ABHD6: variants seen among roughly 807,000 people sequenced by gnomAD.
ABHD6 encodes the protein abhydrolase domain containing 6, acylglycerol lipase.
Under a neutral mutation model 38.8 loss-of-function variants are expected in ABHD6, and 33 were observed. That is an observed-to-expected ratio of 0.85 (90% CI 0.64 to 1.14). The LOEUF (loss-of-function observed/expected upper bound fraction) is 1.14. ABHD6 is among the 50% of genes most tolerant of loss of function. The pLI is 0.00. For missense variants in ABHD6, 380 were observed against 422.6 expected (o/e 0.90, Z 0.88); for synonymous variants, 147 against 161.6 (o/e 0.91, Z 0.69).
rs1334540483 is a variant in ABHD6, at chr3:58,263,085, G to C, written c.120-4104G>C. 6.6e-6 allele frequency among the ~76,000 whole-genome samples: 1 copy of C among 152,218 alleles called. No homozygotes were observed. Among genetic ancestry groups the C allele is most frequent in the Non-Finnish European group, 1.5e-5 (1 of 68,040 alleles). ...TAGCCAGGCGTGGTGGCACGCGCCT[G>C]TAGTCCCAGCTACTTGGGAGGCTGA... is the stretch of plus-strand genomic sequence containing the variant. On this transcript the variant is annotated intron_variant, in intron 3 of 9. Coordinates refer to ENST00000478253, the MANE Select transcript of ABHD6 (RefSeq NM_001320126.2). This position sits in a 1 kb window ranked among gnomAD's most constrained non-coding sequence, Gnocchi z 4.9.
intron 7 of ABHD6, among the ~76,000 whole-genome samples, chr3:58,282,610 C>G (rs1348175525): frequency 6.6e-6 from 1 of 152,050 alleles, no homozygotes; most frequent in Non-Finnish European, 1.5e-5. Flanking sequence ...GTGGTGCGTG[C>G]CTGTAGATCC....
In ABHD6 at chr3:58,266,467, A is replaced by G. The variant is rs192028976; in HGVS notation, c.120-722A>G. ...AAAAACCTGACCAAACAAACAACAA[A>G]AAAAAAAACCTTATGTATGCTCTCA... On this transcript the variant is annotated intron_variant, in intron 3 of 9. Transcript: ENST00000478253. This position sits in a 1 kb window ranked among gnomAD's most constrained non-coding sequence, Gnocchi z 4.0. Among the ~76,000 whole-genome samples the G allele has an allele frequency of 5.3e-5, 8 of 152,108 alleles. No homozygotes were observed. The East Asian group carries it at 1.5e-3, about 29-fold the overall frequency.
Position 58,266,465 on chromosome 3 carries a change from A to AAC in ABHD6, c.120-723_120-722insCA, listed in dbSNP as rs924254278. Among the ~76,000 whole-genome samples the AAC allele has an allele frequency of 7.0e-6, 1 of 143,572 alleles. No individual in the cohort carries two copies. Among genetic ancestry groups the AAC allele is most frequent in the African/African-American group, 2.6e-5 (1 of 38,154 alleles). The allele number at this position is 143,572 out of a possible 152,430, so 94.2% of individuals were successfully genotyped here. The stretch of plus-strand genomic sequence containing the variant: ...AAAAAAACCTGACCAAACAAACAAC[A>AAC]AAAAAAAAAACCTTATGTATGCTCT... On this transcript the variant is annotated intron_variant, in intron 3 of 9. Transcript: ENST00000478253. This position sits in a 1 kb window ranked among gnomAD's most constrained non-coding sequence, Gnocchi z 4.0.
intron 9 of ABHD6, among the ~76,000 whole-genome samples, chr3:58,289,287 G>T (rs1399526174): frequency 6.6e-6 from 1 of 151,434 alleles, no homozygotes; most frequent in Non-Finnish European, 1.5e-5. Flanking sequence ...CACAGAGGGG[G>T]ATTTGGCAGG....
At chr3:58,286,065 G>T (rs1489537005) in intron 9 of ABHD6, among the ~76,000 whole-genome samples, 1 of 151,408 alleles carries the variant, frequency 6.6e-6, no homozygotes, top group Non-Finnish European at 1.5e-5. Flanking sequence ...TGTTACCCAG[G>T]CTGGAGTGCA....
rs149584773 is a variant in ABHD6 at position 58,286,783 on chromosome 3, A to G, written c.837+1330A>G. On this transcript the variant is annotated intron_variant, in intron 9 of 9. Coordinates refer to ENST00000478253, the MANE Select transcript of ABHD6 (RefSeq NM_001320126.2). ...CTAAGATGCATGTTTGAAAGCTTAG[A>G]TATATATAGGTGTGCATATAAGATA... 4.1e-5 allele frequency among the ~76,000 whole-genome samples: 6 copies of G among 147,972 alleles called. No homozygotes were observed. The East Asian group carries it at 1.2e-3, about 30-fold the overall frequency.
chr3:58,291,344 G>T (rs978647627), intron 9 of ABHD6, among the ~76,000 whole-genome samples: 1 of 152,186 alleles, frequency 6.6e-6, no homozygotes, highest in East Asian at 1.9e-4. Flanking sequence ...TCCAGCTTCG[G>T]CTCGGCATCA....
At chr3:58,255,179 A>G (rs1021926009) in intron 2 of ABHD6, among the ~76,000 whole-genome samples, 1 of 152,218 alleles carries the variant, frequency 6.6e-6, no homozygotes, top group African/African-American at 2.4e-5. Context: ...TGCATCCCAC[A>G]TTCTAGCCTT....
intron 1 of ABHD6, among the ~76,000 whole-genome samples, chr3:58,248,932 A>G (rs2097428246): frequency 1.3e-5 from 2 of 152,334 alleles, no homozygotes; most frequent in African/African-American, 4.8e-5. Context: ...TAATTTGCAT[A>G]TCTCTTATTA....
At chr3:58,254,555 A>G (rs2097431968) in intron 2 of ABHD6, among the ~76,000 whole-genome samples, 2 of 152,178 alleles carry the variant, frequency 1.3e-5, no homozygotes, top group Admixed American at 6.6e-5. Flanking sequence ...TGAATTAAGT[A>G]TCAGTCGATA....
At chr3:58,284,986 A>T in intron 7 of ABHD6, 99 bp from the exon 8 acceptor site, 3 of 1,124,000 alleles carry the variant, frequency 2.7e-6, no homozygotes, top group Non-Finnish European at 4.1e-6. Flanking sequence ...CAGTGCAATA[A>T]ATTGCTGGAC....
In ABHD6 at chr3:58,238,168, G is replaced by A. The variant is rs905857879; in HGVS notation, c.-91+252G>A. ...TCCAGCCAGCCTCTTGAAGCCGGGG[G>A]ACAGAGTGAGGACGGGTCGGGACCT... On this transcript the variant is annotated intron_variant, in intron 1 of 9. Coordinates refer to ENST00000478253, the MANE Select transcript of ABHD6 (RefSeq NM_001320126.2). This position sits in a 1 kb window ranked among gnomAD's most constrained non-coding sequence, Gnocchi z 6.9. 9.2e-5 allele frequency: 14 copies of A among 152,408 alleles called. No individual in the cohort carries two copies. The highest frequency in any genetic ancestry group is 3.4e-4 in the African/African-American group (14 of 41,452). 9.4% of individuals were successfully genotyped at this position (152,408 alleles called of 1,614,324 possible). A position where few individuals can be genotyped will look rare whatever the true frequency, so the allele number is the denominator to read the frequency against.
At position 58,259,248 on chromosome 3, in the gene ABHD6, G is replaced by A. The variant is rs755293773; in HGVS notation, c.119+2543G>A. 2.2e-4 allele frequency among the ~76,000 whole-genome samples: 34 copies of A among 152,172 alleles called. No homozygotes were observed. Among genetic ancestry groups the A allele is most frequent in the Non-Finnish European group, 4.0e-4 (27 of 68,038 alleles). On this transcript the variant is annotated intron_variant, in intron 3 of 9. Transcript: ENST00000478253. This position sits in a 1 kb window ranked among gnomAD's most constrained non-coding sequence, Gnocchi z 4.7. ...TCCCCCAACAGTTCCCTGGGCTGTC[G>A]AGGAGAAGGCTTTCAGAGTAAGGGT...
At position 58,256,637 on chromosome 3, in the gene ABHD6, C is replaced by T. The variant is rs2097433554; in HGVS notation, c.51C>T (p.Ala17=). 6.2e-7 allele frequency: 1 copy of T among 1,613,942 alleles called. No homozygotes were observed. The highest frequency in any genetic ancestry group is 8.5e-7 in the Non-Finnish European group (1 of 1,180,020). The change falls in exon 3 of 10, where the codon GCC becomes GCT. Residue 17 remains alanine (A), a synonymous_variant. Transcript: ENST00000478253. This position sits in a 1 kb window ranked among gnomAD's most constrained non-coding sequence, Gnocchi z 4.3. ...TTGTGATTGCGGGCGGCACGCTGGC[C>T]ATCCCAATCCTGGCATTTGTGGCTT... ...NMFVIAGGTL[A]IPILAFVASF...
intron 1 of ABHD6, 68 bp downstream of exon 1, chr3:58,237,984 G>T: frequency 6.5e-6 from 1 of 152,712 alleles, no homozygotes; most frequent in South Asian, 2.0e-4. Context: ...ATGGCCCCGT[G>T]ACCTCTCCCC....
Position 58,293,645 on chromosome 3 carries a change from G to A in ABHD6, c.894G>A (p.Val298=). ...CCAAGTCAATTGCCAACTGCCAGGT[G>A]GAGCTTCTGGAAAACTGTGGGCACT... ...MLAKSIANCQ[V]ELLENCGHSV... The change falls in exon 10 of 10, where the codon GTG becomes GTA. Residue 298 remains valine (V), a synonymous_variant. Coordinates refer to ENST00000478253, the MANE Select transcript of ABHD6 (RefSeq NM_001320126.2). The surrounding 1 kb of genome is among the most constrained non-coding windows in gnomAD (Gnocchi z 4.4). 1 of 1,614,178 alleles carries A rather than the reference G, an allele frequency of 6.2e-7. No individual in the cohort carries two copies. Among genetic ancestry groups the A allele is most frequent in the Non-Finnish European group, 8.5e-7 (1 of 1,180,032 alleles).
At chr3:58,262,499 T>G (rs180816915) in intron 3 of ABHD6, among the ~76,000 whole-genome samples, 40 of 152,310 alleles carry the variant, frequency 2.6e-4, no homozygotes, top group African/African-American at 8.9e-4. Context: ...TTCAATGACT[T>G]CTGTCCCTGA....
chr3:58,285,484 C>T lies in ABHD6; in HGVS notation c.837+31C>T. The T allele has an allele frequency of 6.3e-7, 1 of 1,585,496 alleles. No individual in the cohort carries two copies. The highest frequency in any genetic ancestry group is 8.7e-7 in the Non-Finnish European group (1 of 1,153,992). ...TAACACATCCCCGCGGCAGTCTGTG[C>T]TGGTCACCAGGGCCTCTGAGGAAAA... On this transcript the variant is annotated intron_variant, in intron 9 of 9. Coordinates refer to ENST00000478253, the MANE Select transcript of ABHD6 (RefSeq NM_001320126.2). This position sits in a 1 kb window ranked among gnomAD's most constrained non-coding sequence, Gnocchi z 4.9.
chr3:58,287,259 G>A lies in ABHD6; in HGVS notation c.837+1806G>A, dbSNP rs974416920. On this transcript the variant is annotated intron_variant, in intron 9 of 9. Coordinates refer to ENST00000478253, the MANE Select transcript of ABHD6 (RefSeq NM_001320126.2). This position sits in a 1 kb window ranked among gnomAD's most constrained non-coding sequence, Gnocchi z 4.7. ...TGATTGCTTCACTGCACACCAGCCT[G>A]GGCCACAGGGCGGGATCCTATCTCA... Among the ~76,000 whole-genome samples the A allele has an allele frequency of 6.6e-6, 1 of 152,214 alleles. No homozygotes were observed. Among genetic ancestry groups the A allele is most frequent in the East Asian group, 1.9e-4 (1 of 5,158 alleles).
Sources: gnomAD v4.1 joint callset for allele counts (sites outside exome capture counted in the v4.1 genomes callset) on GRCh38, gnomAD v4.1.1 for gene constraint, Gnocchi (gnomAD v3.1) non-coding constraint, MANE v1.5 for transcripts, NCBI Gene and HGNC (gene_info 2026-07-23, HGNC 2026-07-21) for gene names.